Variants in CDIPT observed in about 807,000 individuals in gnomAD.
CDIPT encodes the protein PI synthase.
Under a neutral mutation model 21.6 loss-of-function variants are expected in CDIPT, and 17 were observed. The observed-to-expected ratio is 0.79, with a 90% CI of 0.54 to 1.18. The LOEUF is 1.18. CDIPT is among the 50% of genes most tolerant of loss of function. CDIPT has a pLI of 0.00. For missense variants in CDIPT, 254 were observed against 284.9 expected, an observed-to-expected ratio of 0.89 and a Z score of 0.78; for synonymous variants, 119 against 117.9, an observed-to-expected ratio of 1.01 and a Z score of -0.06.
At position 29,862,937 on chromosome 16, in the gene CDIPT, C is replaced by A; in HGVS notation, c.-80G>T. 6.5e-7 allele frequency: 1 copy of A among 1,539,504 alleles called. No individual in the cohort carries two copies. Among genetic ancestry groups the A allele is most frequent in the Non-Finnish European group, 9.0e-7 (1 of 1,115,642 alleles). On this transcript the variant is annotated 5_prime_UTR_variant, in exon 1 of 6. The change creates a premature stop within an existing upstream ORF in the 5' untranslated region. Transcript: ENST00000219789. This position sits in a 1 kb window ranked among gnomAD's most constrained non-coding sequence, Gnocchi z 6.7. The stretch of plus-strand genomic sequence containing the variant: ...AGCCCCGCAGCGCGGCCTCAGCCTC[C>A]GGCCCGGCGCATCGGCCGCACCACC...
At chr16:29,861,391 G>A in intron 2 of CDIPT, 132 bp from the exon 3 acceptor site, 1 of 1,548,926 alleles carries the variant, frequency 6.5e-7, no homozygotes, top group Non-Finnish European at 8.7e-7. Flanking sequence ...AGGAACGCAG[G>A]CTAGAAAACA....
At position 29,861,369 on chromosome 16, in the gene CDIPT, G is replaced by A. The variant is rs562064282; in HGVS notation, c.179-110C>T. 42 of 1,556,792 alleles carry A rather than the reference G, an allele frequency of 2.7e-5. No individual in the cohort carries two copies. The East Asian group carries it at 7.8e-4, about 29-fold the overall frequency. Reference sequence around the variant, plus strand: ...GTGTAAACGAAGACTGGAAGTGTCCGCCTGCCTGGGGAGGAACGCAGGCTA... The same window carrying A: ...GTGTAAACGAAGACTGGAAGTGTCCACCTGCCTGGGGAGGAACGCAGGCTA... On this transcript the variant is annotated intron_variant, in intron 2 of 5. Coordinates refer to ENST00000219789, the MANE Select transcript of CDIPT (RefSeq NM_006319.5).
Position 29,861,136 on chromosome 16 carries a change from T to A in CDIPT, c.302A>T (p.Asp101Val). 1.9e-6 allele frequency: 3 copies of A among 1,614,094 alleles called. No homozygotes were observed. Among genetic ancestry groups the A allele is most frequent in the Non-Finnish European group, 2.5e-6 (3 of 1,180,014 alleles). ...GAGGTGCAGCCAGTGACTGGCCACA[T>A]CCAAACTCATGCTGATTTGGAAGAA... ...TLFFQISMSL[D>V]VASHWLHLHS... Residue 101 changes from aspartate (D) to valine (V), a missense_variant, in exon 3 of 6, where the codon GAT becomes GTT. Coordinates refer to ENST00000219789, the MANE Select transcript of CDIPT (RefSeq NM_006319.5).
rs917536979 is a variant in CDIPT at position 29,860,076 on chromosome 16, G to T, written c.414+505C>A. Among the ~76,000 whole-genome samples the T allele has an allele frequency of 6.6e-5, 10 of 152,060 alleles. No homozygotes were observed. The East Asian group carries it at 1.9e-3, about 29-fold the overall frequency. On this transcript the variant is annotated intron_variant, in intron 4 of 5. Coordinates refer to ENST00000219789, the MANE Select transcript of CDIPT (RefSeq NM_006319.5). ...CTTCCACCTTAGCCTCCTAAGTAGA[G>T]ACTACAGGCGTGTACCACTGTGCCT...
chr16:29,859,421 G>T lies in CDIPT; in HGVS notation c.496+21C>A. Reference sequence around the variant, plus strand: ...GGCCAGATCCCCCTCCCATCCTCCTGCCCAGCCCCTCATCTCCTACCTAAA... The same window carrying T: ...GGCCAGATCCCCCTCCCATCCTCCTTCCCAGCCCCTCATCTCCTACCTAAA... On this transcript the variant is annotated intron_variant, in intron 5 of 5. Transcript: ENST00000219789. The surrounding 1 kb of genome is among the most constrained non-coding windows in gnomAD (Gnocchi z 4.5). 6.2e-7 allele frequency: 1 copy of T among 1,607,688 alleles called. No individual in the cohort carries two copies. Among genetic ancestry groups the T allele is most frequent in the Non-Finnish European group, 8.5e-7 (1 of 1,175,628 alleles).
Position 29,859,463 on chromosome 16 carries a change from G to A in CDIPT, c.475C>T (p.His159Tyr). 6.2e-7 allele frequency: 1 copy of A among 1,613,204 alleles called. No homozygotes were observed. The highest frequency in any genetic ancestry group is 8.5e-7 in the Non-Finnish European group (1 of 1,179,366). Residue 159 changes from histidine (H) to tyrosine (Y), a missense_variant, in exon 5 of 6, where the codon CAT becomes TAT. His to Tyr is a moderately conservative substitution (Grantham distance 83). Transcript: ENST00000219789. This position sits in a 1 kb window ranked among gnomAD's most constrained non-coding sequence, Gnocchi z 4.5. ...CTACCTAAAGGTCCCTCAGAGAAAT[G>A]GAACAGGTAGAGGAGGCAGTAGAAG... ...ELFYCLLYLF[H>Y]FSEGPLVGSV...
At position 29,858,828 on chromosome 16, in the gene CDIPT, C is replaced by T. The variant is rs1471673463; in HGVS notation, c.*361G>A. ...GCCCCAAGCTTGCTCTGGCTGGGGG[C>T]GGAGGTCTGACTCCCGCCTTTCAGG... On this transcript the variant is annotated 3_prime_UTR_variant, in exon 6 of 6. Coordinates refer to ENST00000219789, the MANE Select transcript of CDIPT (RefSeq NM_006319.5). The T allele has an allele frequency of 1.7e-5, 4 of 241,026 alleles. No homozygotes were observed. Among genetic ancestry groups the T allele is most frequent in the Non-Finnish European group, 1.6e-5 (2 of 122,026 alleles). 14.9% of individuals were successfully genotyped at this position (241,026 alleles called of 1,614,324 possible).
At position 29,862,700 on chromosome 16, in the gene CDIPT, C is replaced by A. The variant is rs202210725; in HGVS notation, c.64G>T (p.Ala22Ser). 73 of 1,613,882 alleles carry A rather than the reference C, an allele frequency of 4.5e-5. No homozygotes were observed. Among genetic ancestry groups the A allele is most frequent in the Non-Finnish European group, 6.2e-5 (73 of 1,179,960 alleles). Residue 22 changes from alanine to serine, a missense_variant, in exon 2 of 6, where the codon GCC becomes TCC. Ala to Ser is a moderately conservative substitution (Grantham distance 99). Coordinates refer to ENST00000219789, the MANE Select transcript of CDIPT (RefSeq NM_006319.5). The surrounding 1 kb of genome is among the most constrained non-coding windows in gnomAD (Gnocchi z 6.7). The stretch of plus-strand genomic sequence containing the variant: ...GGCATGAAGTAGAAAGAAATGATGG[C>A]GAAGACAATCCGGGCATAACCTTGG... ...NLIGYARIVF[A>S]IISFYFMPCC...
At chr16:29,861,921 C>G (rs958019456) in intron 2 of CDIPT, among the ~76,000 whole-genome samples, 1 of 151,962 alleles carries the variant, frequency 6.6e-6, no homozygotes, top group African/African-American at 2.4e-5. Flanking sequence ...TTAGTAGAGA[C>G]AGGGTTTCAC....
rs753281866 is a variant in CDIPT at position 29,862,992 on chromosome 16, G to A, written c.-135C>T. On this transcript the variant is annotated 5_prime_UTR_variant, in exon 1 of 6. Transcript: ENST00000219789. This position sits in a 1 kb window ranked among gnomAD's most constrained non-coding sequence, Gnocchi z 6.7. ...CCCTGGACCCCGCCGCCCCAACCTG[G>A]CCCCAGATGCTGAAGCCCGCAGCCG... 9.9e-7 allele frequency: 1 copy of A among 1,012,608 alleles called. No individual in the cohort carries two copies. 62.7% of individuals were successfully genotyped at this position (1,012,608 alleles called of 1,614,324 possible).
At chr16:29,860,732 A>T in intron 3 of CDIPT, 70 bp from the exon 4 acceptor site, 1 of 876,464 alleles carries the variant, frequency 1.1e-6, no homozygotes, top group Non-Finnish European at 1.9e-6. Flanking sequence ...TCATGTTAAC[A>T]CCTATTGTAC....
Position 29,863,175 on chromosome 16 carries a change from C to T in CDIPT, c.-318G>A, listed in dbSNP as rs1049487204. On this transcript the variant is annotated 5_prime_UTR_variant, in exon 1 of 6. Transcript: ENST00000219789. ...TCCAGCTGCGCGTGGCTTCCGGGAA[C>T]CTCCTCCTCCGCGCCCGTCGTTGCA... 2 of 416,318 alleles carry T rather than the reference C, an allele frequency of 4.8e-6. No homozygotes were observed. Among genetic ancestry groups the T allele is most frequent in the Non-Finnish European group, 8.6e-6 (2 of 231,612 alleles). The allele number at this position is 416,318 out of a possible 1,614,324, so 25.8% of individuals were successfully genotyped here.
intron 3 of CDIPT, 129 bp downstream of exon 3, chr16:29,860,977 C>T: frequency 2.3e-6 from 2 of 887,126 alleles, no homozygotes; most frequent in Admixed American, 2.3e-5. Context: ...TGGGGTCTTT[C>T]TACAAAGCAG....
chr16:29,863,060 G>T lies in CDIPT; in HGVS notation c.-203C>A. On this transcript the variant is annotated 5_prime_UTR_variant, in exon 1 of 6. Transcript: ENST00000219789. ...CCCCGAGGTGCGCGGGACGCAGGGG[G>T]CGCGCGCAGTCCGCCCTTCCTACCC... 1.6e-6 allele frequency: 1 copy of T among 628,020 alleles called. No homozygotes were observed. Among genetic ancestry groups the T allele is most frequent in the Non-Finnish European group, 2.8e-6 (1 of 362,040 alleles). The allele number at this position is 628,020 out of a possible 1,614,324, so 38.9% of individuals were successfully genotyped here. A position where few individuals can be genotyped will look rare whatever the true frequency, so the allele number is the denominator to read the frequency against.
At chr16:29,861,342 G>A (rs757946240) in intron 2 of CDIPT, 83 bp from the exon 3 acceptor site, 5 of 1,578,252 alleles carry the variant, frequency 3.2e-6, no homozygotes, top group Admixed American at 1.9e-5. Flanking sequence ...CTCTGACGCA[G>A]GGTGTAAACG....
rs1351715420 is a variant in CDIPT at position 29,859,853 on chromosome 16, A to C, written c.415-330T>G. Among the ~76,000 whole-genome samples the C allele has an allele frequency of 1.3e-5, 2 of 151,842 alleles. No homozygotes were observed. The highest frequency in any genetic ancestry group is 2.4e-5 in the African/African-American group (1 of 41,334). On this transcript the variant is annotated intron_variant, in intron 4 of 5. Transcript: ENST00000219789. This position sits in a 1 kb window ranked among gnomAD's most constrained non-coding sequence, Gnocchi z 4.5. Reference sequence around the variant, plus strand: ...AAACCCCTCTCTACTAACAATACAAAAATTAGCCGAGTGTGGTGGCACGTG... The same window carrying C: ...AAACCCCTCTCTACTAACAATACAACAATTAGCCGAGTGTGGTGGCACGTG...
rs2067673549 is a variant in CDIPT at position 29,860,671 on chromosome 16, G to A, written c.333-9C>T. The A allele has an allele frequency of 6.4e-7, 1 of 1,560,734 alleles. No homozygotes were observed. The highest frequency in any genetic ancestry group is 1.7e-5 in the Admixed American group (1 of 59,244). The stretch of plus-strand genomic sequence containing the variant: ...TGCCTCGGACCACAGAACTTGGGGA[G>A]AAAACAGGGGAACCCACAAGGTTTC... On this transcript the variant is annotated splice_polypyrimidine_tract_variant and intron_variant, in intron 3 of 5. Coordinates refer to ENST00000219789, the MANE Select transcript of CDIPT (RefSeq NM_006319.5).
chr16:29,860,346 C>T (rs1392298220), intron 4 of CDIPT, among the ~76,000 whole-genome samples: 1 of 152,220 alleles, frequency 6.6e-6, no homozygotes, highest in Non-Finnish European at 1.5e-5. Flanking sequence ...TCTCCCTTCC[C>T]GCTTTCAGTC....
chr16:29,860,997 G>T, intron 3 of CDIPT, 109 bp downstream of exon 3: 1 of 1,074,832 alleles, frequency 9.3e-7, no homozygotes, highest in Non-Finnish European at 1.4e-6. Context: ...GAGCTAAAAA[G>T]GAGCCCTTCC....
Sources: gnomAD v4.1 joint callset for allele counts (sites outside exome capture counted in the v4.1 genomes callset) on GRCh38, gnomAD v4.1.1 for gene constraint, Gnocchi (gnomAD v3.1) non-coding constraint, MANE v1.5 for transcripts, NCBI Gene and HGNC (gene_info 2026-07-23, HGNC 2026-07-21) for gene names.